PEAK1: variants seen among roughly 807,000 people sequenced by gnomAD.
PEAK1 encodes inactive tyrosine-protein kinase PEAK1.
In PEAK1, 54 loss-of-function variants were observed where a neutral mutation model predicts 124.7. The observed-to-expected ratio is 0.43, with a 90% CI of 0.35 to 0.54. The LOEUF is 0.54. Ranked by LOEUF, PEAK1 falls within the 20% of genes least tolerant of loss-of-function variation. The pLI is 0.01. For missense variants in PEAK1, 2,046 were observed against 2,134.5 expected, an observed-to-expected ratio of 0.96 and a Z score of 0.82; for synonymous variants, 719 against 760.0, an observed-to-expected ratio of 0.95 and a Z score of 0.89.
At chr15:77,223,151 A>C (rs2059464456) in intron 6 of PEAK1, among the ~76,000 whole-genome samples, 2 of 152,052 alleles carry the variant, frequency 1.3e-5, no homozygotes, top group African/African-American at 4.8e-5. Context: ...ATAGCCAACA[A>C]AGCTTCCAGA....
intron 7 of PEAK1, among the ~76,000 whole-genome samples, chr15:77,176,794 A>G (rs1321053377): frequency 1.3e-5 from 2 of 152,200 alleles, no homozygotes; most frequent in Non-Finnish European, 2.9e-5. Context: ...CACAGAAAGA[A>G]GCCGAACATT....
At chr15:77,103,502 A>G (rs1237446843), downstream of PEAK1, 1 of 152,204 alleles carries the variant, frequency 6.6e-6, no homozygotes, top group African/African-American at 2.4e-5. Context: ...AATTTTTGTA[A>G]GAGAGTGGAA....
chr15:77,257,051 T>A (rs993841631), intron 5 of PEAK1, among the ~76,000 whole-genome samples: 2 of 152,206 alleles, frequency 1.3e-5, no homozygotes, highest in African/African-American at 4.8e-5. Context: ...ACAAAGGACA[T>A]GAACTCCTCA....
intron 1 of PEAK1, among the ~76,000 whole-genome samples, chr15:77,400,468 T>C (rs1028647253): frequency 1.3e-5 from 2 of 152,096 alleles, no homozygotes; most frequent in Non-Finnish European, 2.9e-5. Context: ...AATGGAGTAC[T>C]ATACAGCCAT....
intron 2 of PEAK1, among the ~76,000 whole-genome samples, chr15:77,354,355 C>T (rs1196093451): frequency 6.6e-6 from 1 of 152,226 alleles, no homozygotes; most frequent in Non-Finnish European, 1.5e-5. Flanking sequence ...ATGAATTCCA[C>T]CTGCTAAAGC....
At chr15:77,414,021 CTA>C (rs895781766) in intron 1 of PEAK1, among the ~76,000 whole-genome samples, 2 of 151,908 alleles carry the variant, frequency 1.3e-5, no homozygotes, top group African/African-American at 4.8e-5. Flanking sequence ...TGAGGCCTCC[CTA>C]TGTCGCCTAG....
intron 9 of PEAK1, among the ~76,000 whole-genome samples, chr15:77,115,692 T>G (rs1158464164): frequency 6.6e-6 from 1 of 152,152 alleles, no homozygotes; most frequent in Non-Finnish European, 1.5e-5. Context: ...ACAACAACAA[T>G]GAAATAATTT....
chr15:77,355,727 G>C, intron 2 of PEAK1: 1 of 980,188 alleles, frequency 1.0e-6, no homozygotes, highest in Non-Finnish European at 1.2e-6. Flanking sequence ...GGGGGGTCCA[G>C]ATTAAAGTTG....
chr15:77,264,447 T>C (rs1193452252), intron 5 of PEAK1, among the ~76,000 whole-genome samples: 1 of 152,178 alleles, frequency 6.6e-6, no homozygotes, highest in Non-Finnish European at 1.5e-5. Context: ...ACAAGCATTC[T>C]TATACACCAA....
intron 9 of PEAK1, among the ~76,000 whole-genome samples, chr15:77,131,328 A>T (rs552151616): frequency 1.3e-5 from 2 of 152,234 alleles, no homozygotes; most frequent in Admixed American, 1.3e-4. Context: ...CCCCGTGTCT[A>T]CTAAAAATAC....
intron 2 of PEAK1, among the ~76,000 whole-genome samples, chr15:77,289,086 T>C (rs1375444603): frequency 1.3e-5 from 2 of 152,186 alleles, no homozygotes; most frequent in East Asian, 3.9e-4. Flanking sequence ...CCTTAGATAC[T>C]ATAACCAATA....
At chr15:77,144,783 C>T (rs547383741) in intron 8 of PEAK1, among the ~76,000 whole-genome samples, 3 of 152,262 alleles carry the variant, frequency 2.0e-5, no homozygotes, top group South Asian at 2.1e-4. Flanking sequence ...AACTGGTTTG[C>T]GCTTTTAGTT....
At chr15:77,149,953 T>C (rs2054459797) in intron 8 of PEAK1, among the ~76,000 whole-genome samples, 1 of 152,132 alleles carries the variant, frequency 6.6e-6, no homozygotes, top group Non-Finnish European at 1.5e-5. Context: ...TTTTGCCATG[T>C]TGCCTAGGCT....
At chr15:77,382,756 A>G (rs1283685866) in intron 1 of PEAK1, among the ~76,000 whole-genome samples, 1 of 152,264 alleles carries the variant, frequency 6.6e-6, no homozygotes, top group South Asian at 2.1e-4. Context: ...TTAACTTGAC[A>G]GTTTTATGCA....
At chr15:77,151,029 G>T (rs1341175477) in intron 8 of PEAK1, among the ~76,000 whole-genome samples, 1 of 152,152 alleles carries the variant, frequency 6.6e-6, no homozygotes, top group East Asian at 1.9e-4. Flanking sequence ...TATATACCCA[G>T]TAATGGGATG....
intron 6 of PEAK1, among the ~76,000 whole-genome samples, chr15:77,213,387 T>C (rs2058994647): frequency 6.6e-6 from 1 of 151,818 alleles, no homozygotes; most frequent in Non-Finnish European, 1.5e-5. Flanking sequence ...GTAGAAAAAA[T>C]AAAGGTTTTG....
At chr15:77,369,330 T>C (rs1198505832) in intron 1 of PEAK1, among the ~76,000 whole-genome samples, 1 of 152,190 alleles carries the variant, frequency 6.6e-6, no homozygotes, top group Non-Finnish European at 1.5e-5. Context: ...GGAGAGTTCT[T>C]GTTAAGTATT....
intron 2 of PEAK1, among the ~76,000 whole-genome samples, chr15:77,293,507 CT>C (rs2063330678): frequency 6.6e-6 from 1 of 152,200 alleles, no homozygotes; most frequent in Non-Finnish European, 1.5e-5. Flanking sequence ...TAGAAATGCT[CT>C]TTCCATTCTC....
At chr15:77,258,360 C>T (rs555121027) in intron 5 of PEAK1, among the ~76,000 whole-genome samples, 1 of 152,256 alleles carries the variant, frequency 6.6e-6, no homozygotes, top group East Asian at 1.9e-4. Flanking sequence ...TACCCATGAG[C>T]GTGGAATGTT....
Sources: gnomAD v4.1 joint callset for allele counts (sites outside exome capture counted in the v4.1 genomes callset) on GRCh38, gnomAD v4.1.1 for gene constraint, MANE v1.5 for transcripts, NCBI Gene and HGNC (gene_info 2026-07-23, HGNC 2026-07-21) for gene names.